Variants in CSMD3 observed in about 807,000 individuals in gnomAD.
The protein encoded by CSMD3 is CUB and sushi domain-containing protein 3.
A neutral mutation model predicts 435.2 loss-of-function variants in CSMD3; 177 were observed. The ratio of observed to expected loss-of-function variants is 0.41; its 90% CI spans 0.36 to 0.46. The LOEUF (loss-of-function observed/expected upper bound fraction) is 0.46. Among genes scored for constraint, CSMD3 ranks in the 20% least tolerant of loss-of-function variants. The probability of loss-of-function intolerance (pLI) is 0.34; values close to 1 mark genes in which losing one functional copy is unlikely to be tolerated. For synonymous variants in CSMD3, 1,656 were observed against 1,520.5 expected, an observed-to-expected ratio of 1.09 and a Z score of -2.07; for missense variants, 4,265 against 4,504.6, an observed-to-expected ratio of 0.95 and a Z score of 1.52.
intron 3 of CSMD3, among the ~76,000 whole-genome samples, chr8:113,245,082 A>C (rs1295538705): frequency 6.6e-6 from 1 of 152,128 alleles, no homozygotes; most frequent in Non-Finnish European, 1.5e-5. Flanking sequence ...ATTAAGTCTA[A>C]TATTAGTATA....
intron 20 of CSMD3, among the ~76,000 whole-genome samples, chr8:112,642,293 T>C (rs1289797600): frequency 2.0e-5 from 3 of 152,118 alleles, no homozygotes; most frequent in Admixed American, 2.0e-4. Flanking sequence ...CATTTTTTTC[T>C]CTAGGTTTCC....
intron 3 of CSMD3, among the ~76,000 whole-genome samples, chr8:113,213,707 A>T (rs1052491642): frequency 1.1e-4 from 17 of 152,166 alleles, no homozygotes; most frequent in African/African-American, 4.1e-4. Flanking sequence ...TATTACAATG[A>T]TTTTATAATT....
At chr8:113,098,677 AG>A in intron 5 of CSMD3, 78 bp downstream of exon 5, 1 of 958,400 alleles carries the variant, frequency 1.0e-6, no homozygotes, top group Non-Finnish European at 1.7e-6. Flanking sequence ...AACCTGTAAA[AG>A]TCCACATTCA....
chr8:112,608,869 C>G (rs1321534349), intron 22 of CSMD3, among the ~76,000 whole-genome samples: 1 of 151,844 alleles, frequency 6.6e-6, no homozygotes, highest in African/African-American at 2.4e-5. Context: ...AAGACTTAAT[C>G]ATGAGACCTG....
At chr8:112,998,965 A>G (rs2085759814) in intron 6 of CSMD3, among the ~76,000 whole-genome samples, 1 of 152,014 alleles carries the variant, frequency 6.6e-6, no homozygotes, top group Admixed American at 6.6e-5. Flanking sequence ...CCATGAGCCA[A>G]TTAAAACTTT....
chr8:112,691,936 G>C (rs2076145864), intron 13 of CSMD3, among the ~76,000 whole-genome samples: 1 of 151,898 alleles, frequency 6.6e-6, no homozygotes, highest in Non-Finnish European at 1.5e-5. Context: ...GGGTAGCTCG[G>C]ACTATAGGTG....
At chr8:112,949,533 A>T (rs182268264) in intron 8 of CSMD3, among the ~76,000 whole-genome samples, 1 of 152,006 alleles carries the variant, frequency 6.6e-6, no homozygotes, top group Non-Finnish European at 1.5e-5. Flanking sequence ...TATGCTAATG[A>T]CTTCTAATTC....
chr8:112,645,297 T>G, intron 19 of CSMD3, 72 bp from the exon 20 acceptor site: 4 of 851,498 alleles, frequency 4.7e-6, no homozygotes, highest in Non-Finnish European at 8.2e-6. Flanking sequence ...CTCTATCTCC[T>G]CTCTTGAATT....
chr8:113,181,781 A>C (rs2092424915), intron 3 of CSMD3, among the ~76,000 whole-genome samples: 1 of 152,064 alleles, frequency 6.6e-6, no homozygotes, highest in African/African-American at 2.4e-5. Context: ...CCATACTCAC[A>C]TTAAAGTTTC....
intron 23 of CSMD3, among the ~76,000 whole-genome samples, chr8:112,586,231 T>A (rs1261036977): frequency 1.3e-5 from 2 of 151,562 alleles, no homozygotes; most frequent in African/African-American, 4.8e-5. Context: ...TAACATAATT[T>A]TTTTTCAAGA....
intron 12 of CSMD3, among the ~76,000 whole-genome samples, chr8:112,828,448 T>A (rs1726759584): frequency 6.6e-6 from 1 of 151,948 alleles, no homozygotes; most frequent in Non-Finnish European, 1.5e-5. Context: ...GTGTGGGACT[T>A]CCCCCTTTGC....
intron 13 of CSMD3, among the ~76,000 whole-genome samples, chr8:112,740,864 T>C (rs1365246679): frequency 3.9e-5 from 6 of 151,914 alleles, no homozygotes; most frequent in Admixed American, 3.3e-4. Flanking sequence ...TTTAGGAATG[T>C]TGAGTATTTC....
chr8:112,746,096 T>C (rs908834577), intron 13 of CSMD3, among the ~76,000 whole-genome samples: 10 of 152,290 alleles, frequency 6.6e-5, no homozygotes, highest in South Asian at 4.1e-4. Flanking sequence ...CTTGCAACTA[T>C]AGTTTTATAT....
intron 2 of CSMD3, among the ~76,000 whole-genome samples, chr8:113,302,007 A>C (rs1204270956): frequency 6.6e-6 from 1 of 151,396 alleles, no homozygotes; most frequent in Non-Finnish European, 1.5e-5. Flanking sequence ...ACTCAATGAA[A>C]TAATTCAATA....
intron 5 of CSMD3, among the ~76,000 whole-genome samples, chr8:113,092,273 G>A (rs770512511): frequency 1.3e-5 from 2 of 151,848 alleles, no homozygotes; most frequent in Non-Finnish European, 2.9e-5. Flanking sequence ...TTCTACTACT[G>A]TATCTATCTG....
At chr8:113,218,713 A>C (rs1022698729) in intron 3 of CSMD3, among the ~76,000 whole-genome samples, 1 of 151,428 alleles carries the variant, frequency 6.6e-6, no homozygotes, top group Admixed American at 6.6e-5. Flanking sequence ...AATCTACATA[A>C]AAATTTATAT....
intron 4 of CSMD3, among the ~76,000 whole-genome samples, chr8:113,128,204 T>C (rs908763999): frequency 2.6e-5 from 4 of 152,118 alleles, no homozygotes; most frequent in Non-Finnish European, 5.9e-5. Flanking sequence ...TTGAGTACTT[T>C]GGTAAATTTT....
At chr8:113,266,739 A>AT (rs1416478589) in intron 3 of CSMD3, among the ~76,000 whole-genome samples, 2 of 151,610 alleles carry the variant, frequency 1.3e-5, no homozygotes, top group African/African-American at 4.8e-5. Flanking sequence ...AAATGTGAGC[A>AT]TTTTTTCTAT....
intron 1 of CSMD3, among the ~76,000 whole-genome samples, chr8:113,428,007 C>G (rs2927870): frequency 0.24 from 35,659 of 151,486 alleles, 4,569 homozygotes; most frequent in Non-Finnish European, 0.3. Context: ...ACTTAATGTG[C>G]TAGTTTTATA....
Sources: gnomAD v4.1 joint callset for allele counts (sites outside exome capture counted in the v4.1 genomes callset) on GRCh38, gnomAD v4.1.1 for gene constraint, MANE v1.5 for transcripts, NCBI Gene and HGNC (gene_info 2026-07-23, HGNC 2026-07-21) for gene names.